DLGAP4: variants seen among roughly 807,000 people sequenced by gnomAD.
DLGAP4 encodes the protein DLG associated protein 4.
In DLGAP4, 18 loss-of-function variants were observed where a neutral mutation model predicts 86.9. That is an observed-to-expected ratio of 0.21 (90% CI 0.14 to 0.31). The LOEUF is 0.31. DLGAP4 is among the 10% of genes least tolerant of loss of function. DLGAP4 has a pLI of 1.00. For missense variants in DLGAP4, 1,085 were observed against 1,362.6 expected (o/e 0.80, Z 3.21); for synonymous variants, 548 against 574.3 (o/e 0.95, Z 0.65).
At chr20:36,517,801 T>C (rs2037132550) in intron 10 of DLGAP4, among the ~76,000 whole-genome samples, 1 of 152,232 alleles carries the variant, frequency 6.6e-6, no homozygotes, top group African/African-American at 2.4e-5. Context: ...TTTAATAATT[T>C]TGTCTTTGTT....
chr20:36,344,056 G>A lies in DLGAP4; in HGVS notation c.-303-22989G>A, dbSNP rs192540424. ...CATAGACCATCAGGAAAAAGTCTGT[G>A]CCGGGAGGTGGAACTGTGGGTTTTC... On this transcript the variant is annotated intron_variant, in intron 1 of 12. Transcript: ENST00000339266. Among the ~76,000 whole-genome samples the A allele has an allele frequency of 8.5e-5, 13 of 152,302 alleles. No homozygotes were observed. The East Asian group carries it at 2.5e-3, about 29-fold the overall frequency.
At chr20:36,425,525 G>A (rs141742853) in intron 2 of DLGAP4, among the ~76,000 whole-genome samples, 7 of 151,076 alleles carry the variant, frequency 4.6e-5, no homozygotes, top group African/African-American at 9.7e-5. Flanking sequence ...TGGTGGTTCC[G>A]CAAAAAGTTA....
At position 36,439,914 on chromosome 20, in the gene DLGAP4, A is replaced by C. The variant is rs747984385; in HGVS notation, c.1356+46A>C. The C allele has an allele frequency of 1.1e-5, 17 of 1,532,222 alleles. No homozygotes were observed. In the South Asian group the frequency reaches 1.3e-4, roughly 11 times the overall value. The allele number at this position is 1,532,222 out of a possible 1,614,324, so 94.9% of individuals were successfully genotyped here. The stretch of plus-strand genomic sequence containing the variant: ...GGAGAGTCAGGGGGCTTGGGTACTG[A>C]TTCCCATCTGGGAGGAGGACACACG... On this transcript the variant is annotated intron_variant, in intron 5 of 12. Transcript: ENST00000339266.
intron 2 of DLGAP4, among the ~76,000 whole-genome samples, chr20:36,396,375 C>CTA (rs1569484566): frequency 4.2e-3 from 15 of 3,538 alleles, no homozygotes; most frequent in African/African-American, 4.6e-3. Context: ...CATACACACA[C>CTA]CCCACATACA....
intron 10 of DLGAP4, among the ~76,000 whole-genome samples, chr20:36,515,504 A>G (rs1364848307): frequency 6.6e-6 from 1 of 152,196 alleles, no homozygotes; most frequent in Non-Finnish European, 1.5e-5. Context: ...TAGGTAGTGT[A>G]GTCCATTTTT....
At chr20:36,457,569 C>T (rs1349908034) in intron 7 of DLGAP4, among the ~76,000 whole-genome samples, 1 of 151,674 alleles carries the variant, frequency 6.6e-6, no homozygotes, top group African/African-American at 2.4e-5. Flanking sequence ...TTAGTAGAGA[C>T]GGGGTTTCAC....
intron 1 of DLGAP4, among the ~76,000 whole-genome samples, chr20:36,321,336 G>A (rs1234858027): frequency 6.6e-6 from 1 of 152,266 alleles, no homozygotes; most frequent in Non-Finnish European, 1.5e-5. Flanking sequence ...GCAGGGATGG[G>A]GTCTTTCAGA....
chr20:36,393,500 G>C lies in DLGAP4; in HGVS notation c.-73+26225G>C, dbSNP rs1005469708. ...AAACCCAGCCCTCTTGGTAAGCTGG[G>C]AAGTATGGGGCTGGCCTGGATTTCT... On this transcript the variant is annotated intron_variant, in intron 2 of 12. Coordinates refer to ENST00000339266, the MANE Select transcript of DLGAP4 (RefSeq NM_001365621.2). The surrounding 1 kb of genome is among the most constrained non-coding windows in gnomAD (Gnocchi z 4.4). Among the ~76,000 whole-genome samples, 2 of 152,156 alleles carry C rather than the reference G, an allele frequency of 1.3e-5. No homozygotes were observed. Among genetic ancestry groups the C allele is most frequent in the Admixed American group, 1.3e-4 (2 of 15,286 alleles).
chr20:36,436,015 G>A, intron 3 of DLGAP4, 94 bp from the exon 4 acceptor site: 1 of 1,423,658 alleles, frequency 7.0e-7, no homozygotes, highest in Non-Finnish European at 9.1e-7. Flanking sequence ...GAATTCTGCA[G>A]GGAACGAGGG....
chr20:36,325,402 C>T (rs1456515604), intron 1 of DLGAP4, among the ~76,000 whole-genome samples: 15 of 152,112 alleles, frequency 9.9e-5, no homozygotes, highest in African/African-American at 3.6e-4. Context: ...GTAAATGTTC[C>T]ATGAAAAGAG....
At chr20:36,518,714 A>G (rs1465412392) in intron 10 of DLGAP4, among the ~76,000 whole-genome samples, 1 of 152,154 alleles carries the variant, frequency 6.6e-6, no homozygotes, top group Non-Finnish European at 1.5e-5. Flanking sequence ...CATGCCTACA[A>G]TCCTAGCACT....
At chr20:36,497,087 C>T in intron 8 of DLGAP4, 21 bp downstream of exon 8, 2 of 1,567,710 alleles carry the variant, frequency 1.3e-6, no homozygotes, top group Non-Finnish European at 1.7e-6. Flanking sequence ...CTTTTGCACT[C>T]TGTGTCCTCA....
Position 36,406,325 on chromosome 20 carries a change from G to A in DLGAP4, c.-72-25321G>A, listed in dbSNP as rs1372988000. 2.0e-5 allele frequency among the ~76,000 whole-genome samples: 3 copies of A among 150,930 alleles called. No homozygotes were observed. In the East Asian group the frequency reaches 5.9e-4, roughly 30 times the overall value. Reference sequence around the variant, plus strand: ...AGGCAGGAGAATGGCGTGAACCTGGGAGGCGGAGCTTGCAGTGAGCCGAGA... The same window carrying A: ...AGGCAGGAGAATGGCGTGAACCTGGAAGGCGGAGCTTGCAGTGAGCCGAGA... On this transcript the variant is annotated intron_variant, in intron 2 of 12. Transcript: ENST00000339266.
At chr20:36,347,651 C>A (rs549593807) in intron 1 of DLGAP4, among the ~76,000 whole-genome samples, 1 of 151,394 alleles carries the variant, frequency 6.6e-6, no homozygotes, top group Admixed American at 6.6e-5. Flanking sequence ...TAGCAAGACC[C>A]CGTCTCCACA....
chr20:36,411,858 A>G (rs1700236537), intron 2 of DLGAP4, among the ~76,000 whole-genome samples: 1 of 151,978 alleles, frequency 6.6e-6, no homozygotes, highest in African/African-American at 2.4e-5. Context: ...CCTTTTTATG[A>G]AACGCTCTTC....
At chr20:36,336,830 G>A (rs1233360433) in intron 1 of DLGAP4, among the ~76,000 whole-genome samples, 1 of 152,128 alleles carries the variant, frequency 6.6e-6, no homozygotes, top group Non-Finnish European at 1.5e-5. Context: ...CTTTGCTCCC[G>A]CCTGCTGTGG....
At chr20:36,526,110 C>T (rs755240562) in intron 12 of DLGAP4, 104 bp downstream of exon 12, 33 of 1,537,174 alleles carry the variant, frequency 2.1e-5, no homozygotes, top group African/African-American at 4.1e-5. Context: ...CTCCGTGTGT[C>T]GTCTTTGAGC....
At chr20:36,429,398 C>CTTTTTTTTT (rs151254062) in intron 2 of DLGAP4, among the ~76,000 whole-genome samples, 67 of 76,040 alleles carry the variant, frequency 8.8e-4, no homozygotes, top group African/African-American at 1.4e-3. Flanking sequence ...TTCTTTTTTT[C>CTTTTTTTTT]TTTTTTTTTT....
chr20:36,327,883 G>A (rs1194619421), intron 1 of DLGAP4, among the ~76,000 whole-genome samples: 7 of 144,670 alleles, frequency 4.8e-5, no homozygotes, highest in Admixed American at 1.4e-4. Flanking sequence ...GAGCCACCGC[G>A]CCCGGCAAGA....
Sources: gnomAD v4.1 joint callset for allele counts (sites outside exome capture counted in the v4.1 genomes callset) on GRCh38, gnomAD v4.1.1 for gene constraint, Gnocchi (gnomAD v3.1) non-coding constraint, MANE v1.5 for transcripts, NCBI Gene and HGNC (gene_info 2026-07-23, HGNC 2026-07-21) for gene names.